The following NBAS variants were observed in gnomAD, a reference collection of about 807,000 sequenced individuals.
The protein encoded by NBAS is NBAS subunit of NRZ tethering complex, also known as NAG/BC035112 fusion.
A neutral mutation model predicts 302.5 loss-of-function variants in NBAS; 219 were observed. The ratio of observed to expected loss-of-function variants is 0.72; its 90% CI spans 0.65 to 0.81. The LOEUF is 0.81. Among genes scored for constraint, NBAS ranks in the 30% least tolerant of loss-of-function variants. The pLI is 0.00. For synonymous variants in NBAS, 1,118 were observed against 1,021.6 expected, an observed-to-expected ratio of 1.09 and a Z score of -1.80; for missense variants, 2,932 against 2,841.6, an observed-to-expected ratio of 1.03 and a Z score of -0.72.
chr2:15,042,928 G>C, the NBAS span, among the ~76,000 whole-genome samples: 1 of 152,170 alleles, frequency 6.6e-6, no homozygotes, highest in Non-Finnish European at 1.5e-5. Context: ...CTGATGCAAC[G>C]ACTTGACTCT....
chr2:15,328,524 T>C lies in NBAS; in HGVS notation c.4348-212A>G, dbSNP rs73197049. Among the ~76,000 whole-genome samples, 10,183 of 152,188 alleles carry C rather than the reference T, an allele frequency of 0.067. 513 individuals are homozygous for C. The highest frequency in any genetic ancestry group is 0.15 in the African/African-American group (6,023 of 41,486). ...AGAATGAAGGATCATAACTACATGCTAAGAGCAGCACATCAACCCCACCCT... is the reference window on the plus strand; with the variant it reads ...AGAATGAAGGATCATAACTACATGCCAAGAGCAGCACATCAACCCCACCCT... On this transcript the variant is annotated intron_variant, in intron 36 of 51. Coordinates refer to ENST00000281513, the MANE Select transcript of NBAS (RefSeq NM_015909.4).
chr2:14,906,700 G>A, the NBAS span, among the ~76,000 whole-genome samples: 15 of 152,252 alleles, frequency 9.9e-5, no homozygotes, highest in Non-Finnish European at 1.6e-4. Flanking sequence ...AGACCCAATG[G>A]CCTGGCTCTC....
chr2:15,379,158 G>A (rs961424615), intron 30 of NBAS, among the ~76,000 whole-genome samples: 9 of 151,314 alleles, frequency 5.9e-5, no homozygotes, highest in African/African-American at 2.2e-4. Context: ...AAGTGACTTC[G>A]GAGGTTTATC....
At chr2:15,096,072 C>A in the NBAS span, among the ~76,000 whole-genome samples, 1 of 152,210 alleles carries the variant, frequency 6.6e-6, no homozygotes, top group Non-Finnish European at 1.5e-5. Context: ...CTATCAAGAC[C>A]ATGTCTTGGG....
intron 7 of NBAS, 28 bp from the exon 8 acceptor site, chr2:15,536,579 TAA>T (rs57935128): frequency 8.6e-5 from 115 of 1,330,892 alleles, no homozygotes; most frequent in Middle Eastern, 1.9e-4. Flanking sequence ...ATTAAGTTAC[TAA>T]AAAAAAAAAA....
At chr2:15,060,421 G>A in the NBAS span, among the ~76,000 whole-genome samples, 1 of 152,140 alleles carries the variant, frequency 6.6e-6, no homozygotes, top group African/African-American at 2.4e-5. Context: ...GCATTGGGCT[G>A]TCTGCAGGAA....
the NBAS span, among the ~76,000 whole-genome samples, chr2:14,872,962 G>A: frequency 2.0e-5 from 3 of 152,220 alleles, no homozygotes; most frequent in Non-Finnish European, 4.4e-5. Flanking sequence ...AGCTCATACA[G>A]GCAGCGCAGA....
the NBAS span, among the ~76,000 whole-genome samples, chr2:15,140,842 T>C: frequency 6.6e-6 from 1 of 152,304 alleles, no homozygotes; most frequent in East Asian, 1.9e-4. Context: ...TAGGGTTGTT[T>C]TGAGCATTAA....
the NBAS span, among the ~76,000 whole-genome samples, chr2:14,923,322 G>A: frequency 6.6e-6 from 1 of 152,164 alleles, no homozygotes; most frequent in African/African-American, 2.4e-5. Flanking sequence ...AGTCTCTGGG[G>A]AACACAGCAG....
At chr2:15,235,136 A>G (rs1667536411) in intron 45 of NBAS, among the ~76,000 whole-genome samples, 2 of 152,236 alleles carry the variant, frequency 1.3e-5, no homozygotes, top group South Asian at 4.1e-4. Context: ...CTAACGCACT[A>G]CGACCACATA....
At chr2:15,166,912 CTCA>C, downstream of NBAS, 1 of 1,192,334 alleles carries the variant, frequency 8.4e-7, no homozygotes, top group East Asian at 2.5e-5. Flanking sequence ...CGGCAGCTTG[CTCA>C]TCGTTTCCAT....
At chr2:15,335,023 C>A (rs1336760095) in intron 35 of NBAS, among the ~76,000 whole-genome samples, 1 of 151,958 alleles carries the variant, frequency 6.6e-6, no homozygotes, top group Non-Finnish European at 1.5e-5. Context: ...TTCTTTCACT[C>A]AACAAACATT....
chr2:15,286,797 G>A (rs1007767872), intron 42 of NBAS, among the ~76,000 whole-genome samples: 2 of 152,148 alleles, frequency 1.3e-5, no homozygotes, highest in African/African-American at 4.8e-5. Context: ...TAAGTTCCAA[G>A]ACAGCTAGGA....
intron 16 of NBAS, among the ~76,000 whole-genome samples, chr2:15,472,830 C>A (rs1393506417): frequency 6.6e-6 from 1 of 152,186 alleles, no homozygotes; most frequent in African/African-American, 2.4e-5. Flanking sequence ...TCTTCACATC[C>A]TTTATAGTTC....
the NBAS span, among the ~76,000 whole-genome samples, chr2:14,902,135 C>T: frequency 6.6e-6 from 1 of 152,072 alleles, no homozygotes; most frequent in Admixed American, 6.6e-5. Context: ...CTCACATTTT[C>T]TCTTTCATTT....
At chr2:15,179,323 T>C in intron 50 of NBAS, 1 of 645,350 alleles carries the variant, frequency 1.5e-6, no homozygotes. Flanking sequence ...ATTTCCAAGC[T>C]ATCAGATATT....
At chr2:15,150,273 G>A in the NBAS span, among the ~76,000 whole-genome samples, 7 of 152,056 alleles carry the variant, frequency 4.6e-5, no homozygotes, top group East Asian at 1.9e-4. Context: ...TTCTCAGAAC[G>A]CTAATGAAGA....
chr2:15,185,425 G>A (rs1364503056), intron 50 of NBAS, among the ~76,000 whole-genome samples: 20 of 152,174 alleles, frequency 1.3e-4, no homozygotes, highest in Admixed American at 1.3e-3. Flanking sequence ...AATAATGCTT[G>A]ATCTTAGCTT....
the NBAS span, among the ~76,000 whole-genome samples, chr2:15,038,112 CTTTTT>C: frequency 1.7e-5 from 2 of 118,542 alleles, no homozygotes; most frequent in Non-Finnish European, 3.3e-5. Flanking sequence ...TGACTTTATT[CTTTTT>C]TTTTTTTTTT....
Sources: gnomAD v4.1 joint callset for allele counts (sites outside exome capture counted in the v4.1 genomes callset) on GRCh38, gnomAD v4.1.1 for gene constraint, MANE v1.5 for transcripts, NCBI Gene and HGNC (gene_info 2026-07-23, HGNC 2026-07-21) for gene names.